C21orf58: variants seen among roughly 807,000 people sequenced by gnomAD.
C21orf58 encodes the protein chromosome 21 open reading frame 58.
C21orf58 carries 34 observed loss-of-function variants against 35.8 expected under a neutral mutation model. That is an observed-to-expected ratio of 0.95 (90% confidence interval 0.72 to 1.26). C21orf58 has a LOEUF of 1.26. Ranked by LOEUF, C21orf58 falls within the 50% of genes most tolerant of loss-of-function variation. C21orf58 has a pLI of 0.00. For synonymous variants in C21orf58, 191 were observed against 175.8 expected (o/e 1.09, Z -0.68); for missense variants, 440 against 414.3 (o/e 1.06, Z -0.54).
chr21:46,315,735 G>A (rs1268964802), intron 3 of C21orf58, among the ~76,000 whole-genome samples, 188 bp from the exon 4 acceptor site: 2 of 152,182 alleles, frequency 1.3e-5, no homozygotes, highest in African/African-American at 4.8e-5. Flanking sequence ...TGGGTAAGGA[G>A]GGCAAGGGGC....
rs1372762779 is a variant in C21orf58, at chr21:46,302,554, C to T, written c.744G>A (p.Leu248=). The change falls in exon 7 of 8, where the codon CTG becomes CTA. Residue 248 remains leucine (L), a synonymous_variant. Transcript: ENST00000291691. The stretch of plus-strand genomic sequence containing the variant: ...CCAACTGGTGCACCTGTGCGTTCTG[C>T]AGCAGCAGCAGCTCCACCATGTCTG... ...IKEDMVELLL[L]QNAQVHQLVL... is the part of the protein sequence containing the mutation. 6.2e-7 allele frequency: 1 copy of T among 1,609,540 alleles called. No individual in the cohort carries two copies. The highest frequency in any genetic ancestry group is 1.7e-5 in the Admixed American group (1 of 59,740).
At chr21:46,319,566 C>T (rs1338022090) in intron 1 of C21orf58, among the ~76,000 whole-genome samples, 2 of 152,104 alleles carry the variant, frequency 1.3e-5, no homozygotes, top group Non-Finnish European at 2.9e-5. Flanking sequence ...AGTTGGAGAC[C>T]AGCCGGCACA....
At chr21:46,314,913 G>T in intron 4 of C21orf58, 33 bp from the exon 5 acceptor site, 1 of 1,550,372 alleles carries the variant, frequency 6.5e-7, no homozygotes, top group Non-Finnish European at 8.7e-7. Flanking sequence ...CTGCACACGG[G>T]GACGGGGAGC....
rs2083257613 is a variant in C21orf58, at chr21:46,323,793, G to A, written c.-1055C>T. On this transcript the variant is annotated 5_prime_UTR_variant, in exon 1 of 8. Coordinates refer to ENST00000291691, the MANE Select transcript of C21orf58 (RefSeq NM_058180.5). ...GCACCGTTCGGCGCCGCCCGCGCCTGCAGGGAGCCCGGCCCGCTGTCCTGG... is the reference window on the plus strand; with the variant it reads ...GCACCGTTCGGCGCCGCCCGCGCCTACAGGGAGCCCGGCCCGCTGTCCTGG... The A allele has an allele frequency of 3.3e-6, 1 of 304,446 alleles. No homozygotes were observed. The highest frequency in any genetic ancestry group is 6.3e-6 in the Non-Finnish European group (1 of 157,560). The allele number at this position is 304,446 out of a possible 1,614,324, so 18.9% of individuals were successfully genotyped here.
Position 46,314,803 on chromosome 21 carries a change from C to A in C21orf58, c.522G>T (p.Leu174=). The A allele has an allele frequency of 1.9e-6, 3 of 1,544,522 alleles. No individual in the cohort carries two copies. The highest frequency in any genetic ancestry group is 1.2e-5 in the South Asian group (1 of 83,572). ...GPSRGALGSA[L]PPELPPTGIL... Reference sequence around the variant, plus strand: ...TGCCCGTGGGGGGCAGCTCTGGGGGCAGGGCTGACCCGAGGGCTCCTCTGC... The same window carrying A: ...TGCCCGTGGGGGGCAGCTCTGGGGGAAGGGCTGACCCGAGGGCTCCTCTGC... The change falls in exon 5 of 8, where the codon CTG becomes CTT. Residue 174 remains leucine, a synonymous_variant. Coordinates refer to ENST00000291691, the MANE Select transcript of C21orf58 (RefSeq NM_058180.5).
chr21:46,315,001 G>A (rs1377400558), intron 4 of C21orf58, 121 bp from the exon 5 acceptor site: 1 of 1,549,584 alleles, frequency 6.5e-7, no homozygotes, highest in Admixed American at 2.0e-5. Flanking sequence ...CGGGCAGGAT[G>A]GCCATGACTG....
At chr21:46,307,593 G>T (rs1249929203) in intron 6 of C21orf58, among the ~76,000 whole-genome samples, 1 of 152,124 alleles carries the variant, frequency 6.6e-6, no homozygotes, top group African/African-American at 2.4e-5. Context: ...CCACTCCAGG[G>T]GCTCCTCATA....
At chr21:46,305,502 A>G (rs1419107859) in intron 6 of C21orf58, among the ~76,000 whole-genome samples, 1 of 151,686 alleles carries the variant, frequency 6.6e-6, no homozygotes, top group Non-Finnish European at 1.5e-5. Flanking sequence ...ACTAATTTTG[A>G]TATGTTTTGT....
rs3747007 is a variant in C21orf58 at position 46,301,825 on chromosome 21, A to G, written c.*174T>C. On this transcript the variant is annotated 3_prime_UTR_variant, in exon 8 of 8. Coordinates refer to ENST00000291691, the MANE Select transcript of C21orf58 (RefSeq NM_058180.5). The stretch of plus-strand genomic sequence containing the variant: ...TGCCCCCTGGAATGGCCCCGTGACC[A>G]GAAAGCGAGCCTGCCCAGCTTCCCC... 0.68 allele frequency: 857,265 copies of G among 1,260,114 alleles called. 296,405 individuals are homozygous for G. The highest frequency in any genetic ancestry group is 0.71 in the Non-Finnish European group (712,708 of 1,004,438). The allele number at this position is 1,260,114 out of a possible 1,614,324, so 78.1% of individuals were successfully genotyped here.
At chr21:46,307,140 G>C (rs1681157828) in intron 6 of C21orf58, among the ~76,000 whole-genome samples, 1 of 148,838 alleles carries the variant, frequency 6.7e-6, no homozygotes, top group African/African-American at 2.5e-5. Context: ...AGGTGATCCA[G>C]CCTCTTTAGC....
chr21:46,318,778 G>A, intron 1 of C21orf58: 1 of 989,140 alleles, frequency 1.0e-6, no homozygotes. Flanking sequence ...CAGGGGATAT[G>A]TCCCACCTTG....
intron 6 of C21orf58, among the ~76,000 whole-genome samples, chr21:46,309,334 C>T (rs113242902): frequency 2.6e-5 from 4 of 151,908 alleles, no homozygotes; most frequent in South Asian, 2.1e-4. Context: ...TGGTGGCAGG[C>T]GCCTGTAATC....
At chr21:46,311,727 C>CCATCCAAACAACCATCCACCCACT (rs1228785609) in intron 5 of C21orf58, 160 bp from the exon 6 acceptor site, 3 of 459,864 alleles carry the variant, frequency 6.5e-6, no homozygotes, top group Non-Finnish European at 1.2e-5. Context: ...ATCCACCCAT[C>CCATCCAAACAACCATCCACCCACT]CATCCAACCA....
chr21:46,301,441 C>T lies in C21orf58; in HGVS notation c.*558G>A. The stretch of plus-strand genomic sequence containing the variant: ...GGATTACAGGCATGAGCCATGCACC[C>T]CTACTTCTTTAGTGGGAGTCTGTGC... On this transcript the variant is annotated 3_prime_UTR_variant, in exon 8 of 8. Transcript: ENST00000291691. 1.0e-6 allele frequency: 1 copy of T among 977,036 alleles called. No homozygotes were observed. The highest frequency in any genetic ancestry group is 1.2e-6 in the Non-Finnish European group (1 of 823,122). 60.5% of individuals were successfully genotyped at this position (977,036 alleles called of 1,614,324 possible).
At chr21:46,300,800 AG>A (rs1382243032), downstream of C21orf58, 1 of 1,288,206 alleles carries the variant, frequency 7.8e-7, no homozygotes, top group African/African-American at 1.5e-5. Flanking sequence ...CTGTCCTAAT[AG>A]GGGGTGAATG....
At position 46,301,150 on chromosome 21, in the gene C21orf58, TTTTA is replaced by T. The variant is rs2082093847; in HGVS notation, c.*845_*848del. On this transcript the variant is annotated 3_prime_UTR_variant, in exon 8 of 8. Coordinates refer to ENST00000291691, the MANE Select transcript of C21orf58 (RefSeq NM_058180.5). ...ACAGCTTGCTTCTTTCACTTTTTTA[TTTTA>T]TTTTTGAGACAGGGGCCTGCTCTGT... 2 of 807,848 alleles carry T rather than the reference TTTTA, an allele frequency of 2.5e-6. No individual in the cohort carries two copies. The highest frequency in any genetic ancestry group is 2.7e-6 in the Non-Finnish European group (2 of 736,410). 50.0% of individuals were successfully genotyped at this position (807,848 alleles called of 1,614,324 possible). A position where few individuals can be genotyped will look rare whatever the true frequency, so the allele number is the denominator to read the frequency against.
intron 1 of C21orf58, among the ~76,000 whole-genome samples, chr21:46,319,985 T>C (rs766375641): frequency 1.3e-5 from 2 of 152,154 alleles, no homozygotes; most frequent in Non-Finnish European, 2.9e-5. Context: ...AGTGACAGTC[T>C]TGGGAGACAT....
In C21orf58 at chr21:46,301,461, C is replaced by T. The variant is rs1003321420; in HGVS notation, c.*538G>A. 7.8e-5 allele frequency: 72 copies of T among 922,696 alleles called. 1 individual carries two copies. In the Admixed American group the frequency reaches 2.3e-3, roughly 30 times the overall value. The allele number at this position is 922,696 out of a possible 1,614,324, so 57.2% of individuals were successfully genotyped here. On this transcript the variant is annotated 3_prime_UTR_variant, in exon 8 of 8. Coordinates refer to ENST00000291691, the MANE Select transcript of C21orf58 (RefSeq NM_058180.5). ...GCACCCCTACTTCTTTAGTGGGAGT[C>T]TGTGCCACAGCTGTGGACACAGGTG...
chr21:46,301,077 C>T (rs953319275), downstream of C21orf58: 6 of 1,019,884 alleles, frequency 5.9e-6, no homozygotes, highest in African/African-American at 1.0e-4. Flanking sequence ...ATAGCATTAG[C>T]ACTCTCCCTT....
Sources: allele counts gnomAD v4.1 joint callset (sites outside exome capture counted in the v4.1 genomes callset), GRCh38; gene constraint gnomAD v4.1.1; transcripts MANE v1.5; gene names NCBI Gene and HGNC (gene_info 2026-07-23, HGNC 2026-07-21).